Variants in DKK2 observed in about 807,000 individuals in gnomAD.
DKK2 encodes the protein dickkopf-related protein 2.
A neutral mutation model predicts 28.1 loss-of-function variants in DKK2; 11 were observed. That is an observed-to-expected ratio of 0.39 (90% confidence interval 0.25 to 0.65). The LOEUF (loss-of-function observed/expected upper bound fraction) is 0.65. Ranked by LOEUF, DKK2 falls within the 30% of genes least tolerant of loss-of-function variation. The pLI, the probability that DKK2 is intolerant of heterozygous loss-of-function variation, is 0.47. For missense variants in DKK2, 326 were observed against 335.5 expected, an observed-to-expected ratio of 0.97 and a Z score of 0.22; for synonymous variants, 135 against 126.5, an observed-to-expected ratio of 1.07 and a Z score of -0.45.
At chr4:106,990,370 G>A (rs527755276) in intron 1 of DKK2, among the ~76,000 whole-genome samples, 1 of 152,266 alleles carries the variant, frequency 6.6e-6, no homozygotes, top group South Asian at 2.1e-4. Context: ...GCTTGAAAGA[G>A]TAAGGGGATA....
At chr4:107,011,602 G>A (rs1025120948) in intron 1 of DKK2, among the ~76,000 whole-genome samples, 3 of 151,362 alleles carry the variant, frequency 2.0e-5, no homozygotes, top group Non-Finnish European at 3.0e-5. Flanking sequence ...ACTAAAATAC[G>A]TGTATTCGAG....
intron 1 of DKK2, among the ~76,000 whole-genome samples, chr4:106,977,267 C>G (rs866500356): frequency 6.6e-6 from 1 of 152,046 alleles, no homozygotes; most frequent in African/African-American, 2.4e-5. Flanking sequence ...CTGTATTTCC[C>G]GAATTTGAAT....
intron 1 of DKK2, among the ~76,000 whole-genome samples, chr4:106,935,085 G>A (rs1469744481): frequency 6.6e-6 from 1 of 152,082 alleles, no homozygotes; most frequent in East Asian, 1.9e-4. Flanking sequence ...TAAACCTTTT[G>A]GTTAAAAAAG....
chr4:106,939,517 A>G (rs1388740616), intron 1 of DKK2, among the ~76,000 whole-genome samples: 4 of 152,240 alleles, frequency 2.6e-5, no homozygotes, highest in Admixed American at 6.5e-5. Context: ...CAATATCATG[A>G]AAATGGCCAT....
chr4:106,983,609 A>G (rs1723067153), intron 1 of DKK2, among the ~76,000 whole-genome samples: 1 of 152,240 alleles, frequency 6.6e-6, no homozygotes, highest in Non-Finnish European at 1.5e-5. Flanking sequence ...ATCGTAAATC[A>G]TACTTTATCA....
chr4:107,009,825 T>A (rs1015717685), intron 1 of DKK2, among the ~76,000 whole-genome samples: 3 of 151,802 alleles, frequency 2.0e-5, no homozygotes, highest in Admixed American at 6.6e-5. Flanking sequence ...AAAAAGCAAT[T>A]TTAGGCTCTT....
chr4:106,988,186 A>G (rs1723151398), intron 1 of DKK2, among the ~76,000 whole-genome samples: 1 of 152,162 alleles, frequency 6.6e-6, no homozygotes, highest in South Asian at 2.1e-4. Context: ...CTTCTTGCAG[A>G]TGAGGAAACT....
intron 1 of DKK2, among the ~76,000 whole-genome samples, chr4:107,026,483 A>C (rs2078627543): frequency 6.6e-6 from 1 of 152,216 alleles, no homozygotes; most frequent in South Asian, 2.1e-4. Context: ...TTTTAATCAG[A>C]CATGAGTTTC....
intron 1 of DKK2, among the ~76,000 whole-genome samples, chr4:106,980,072 G>T (rs896933048): frequency 1.3e-5 from 2 of 152,114 alleles, no homozygotes; most frequent in Admixed American, 1.3e-4. Context: ...CTCTCAAATG[G>T]TATGCTAGAA....
chr4:107,035,327 C>T (rs747111409), intron 1 of DKK2, 43 bp downstream of exon 1: 5 of 1,604,824 alleles, frequency 3.1e-6, no homozygotes, highest in South Asian at 1.1e-5. Context: ...AGAGCTGGCC[C>T]CTGCCTCTTC....
rs533117739 is a variant in DKK2 at position 107,020,762 on chromosome 4, G to C, written c.222+14608C>G. 2.0e-5 allele frequency among the ~76,000 whole-genome samples: 3 copies of C among 151,836 alleles called. No homozygotes were observed. In the South Asian group the frequency reaches 6.2e-4, roughly 32 times the overall value. On this transcript the variant is annotated intron_variant, in intron 1 of 3. Transcript: ENST00000285311. ...TCATTTTAAAAATAATTTTTGACAG[G>C]CTTTGTGTGTGTGTGTGTCTCTGTG...
intron 1 of DKK2, among the ~76,000 whole-genome samples, chr4:106,975,001 ATGT>A: frequency 6.6e-6 from 1 of 152,234 alleles, no homozygotes; most frequent in Middle Eastern, 3.4e-3. Context: ...TGAGATAATC[ATGT>A]TGTTTTTGTC....
At chr4:107,019,156 C>T (rs1490199076) in intron 1 of DKK2, among the ~76,000 whole-genome samples, 1 of 151,890 alleles carries the variant, frequency 6.6e-6, no homozygotes, top group Admixed American at 6.6e-5. Context: ...ATGTTAACCT[C>T]CTAAAACAAA....
intron 1 of DKK2, among the ~76,000 whole-genome samples, chr4:106,971,434 G>A (rs903903938): frequency 6.6e-6 from 1 of 152,002 alleles, no homozygotes; most frequent in Non-Finnish European, 1.5e-5. Flanking sequence ...TAAGATTAAT[G>A]ACACTCTAAT....
chr4:107,035,616 A>G lies in DKK2; in HGVS notation c.-25T>C. 6.2e-7 allele frequency: 1 copy of G among 1,612,070 alleles called. No individual in the cohort carries two copies. The highest frequency in any genetic ancestry group is 8.5e-7 in the Non-Finnish European group (1 of 1,179,592). On this transcript the variant is annotated 5_prime_UTR_variant, in exon 1 of 4. Transcript: ENST00000285311. Reference sequence around the variant, plus strand: ...TCTCCCGGCGAGGGGGTCCCCAGGAAGACGCAAAGCCCGGAGGGGTGGGAA... The same window carrying G: ...TCTCCCGGCGAGGGGGTCCCCAGGAGGACGCAAAGCCCGGAGGGGTGGGAA...
chr4:107,035,332 C>T (rs760083705), intron 1 of DKK2, 38 bp downstream of exon 1: 8 of 1,607,122 alleles, frequency 5.0e-6, no homozygotes, highest in Non-Finnish European at 6.0e-6. Flanking sequence ...TGGCCCCTGC[C>T]TCTTCTGTCT....
At chr4:107,025,335 A>T (rs1012648356) in intron 1 of DKK2, among the ~76,000 whole-genome samples, 10 of 152,178 alleles carry the variant, frequency 6.6e-5, no homozygotes, top group East Asian at 1.9e-4. Context: ...CATTTAAAAA[A>T]TTTTTTTAAA....
intron 1 of DKK2, among the ~76,000 whole-genome samples, chr4:106,998,023 A>ATT (rs1174158920): frequency 2.0e-5 from 3 of 152,214 alleles, no homozygotes; most frequent in Non-Finnish European, 4.4e-5. Context: ...TAAAGCTGTC[A>ATT]GAACTGTTGA....
At chr4:106,986,935 C>T (rs1487234823) in intron 1 of DKK2, among the ~76,000 whole-genome samples, 1 of 152,188 alleles carries the variant, frequency 6.6e-6, no homozygotes, top group Non-Finnish European at 1.5e-5. Flanking sequence ...AATACTTTAT[C>T]CCACTATTAG....
Sources: gnomAD v4.1 joint callset for allele counts (sites outside exome capture counted in the v4.1 genomes callset) on GRCh38, gnomAD v4.1.1 for gene constraint, MANE v1.5 for transcripts, NCBI Gene and HGNC (gene_info 2026-07-23, HGNC 2026-07-21) for gene names.